INPP4B: variants seen among roughly 807,000 people sequenced by gnomAD.
INPP4B encodes inositol polyphosphate-4-phosphatase type II B, also known as inositol polyphosphate 4-phosphatase type II.
Under a neutral mutation model 122.5 loss-of-function variants are expected in INPP4B, and 55 were observed. That is an observed-to-expected ratio of 0.45 (90% CI 0.36 to 0.56). The LOEUF is 0.56. INPP4B is among the 20% of genes least tolerant of loss of function. INPP4B has a pLI of 0.00. For missense variants in INPP4B, 1,000 were observed against 1,097.7 expected (o/e 0.91, Z 1.26); for synonymous variants, 403 against 388.7 (o/e 1.04, Z -0.43).
chr4:142,821,593 T>C (rs1163836671), intron 1 of INPP4B, among the ~76,000 whole-genome samples: 2 of 152,194 alleles, frequency 1.3e-5, no homozygotes, highest in Admixed American at 1.3e-4. Context: ...TTTTATTTTG[T>C]TTATTTTGTG....
chr4:142,612,972 A>T (rs1240981199), intron 2 of INPP4B, among the ~76,000 whole-genome samples: 1 of 152,168 alleles, frequency 6.6e-6, no homozygotes, highest in South Asian at 2.1e-4. Flanking sequence ...TGCAATCAGA[A>T]ATAATGTAAG....
intron 2 of INPP4B, among the ~76,000 whole-genome samples, chr4:142,603,342 TGTAAGAAACCTGCACATCTGCA>T (rs1487937010): frequency 6.6e-6 from 1 of 151,768 alleles, no homozygotes; most frequent in Non-Finnish European, 1.5e-5. Context: ...CATTTACCTA[TGTAAGAAACCTGCACATCTGCA>T]CATATACCCC....
chr4:142,539,900 G>A (rs1828733710), intron 2 of INPP4B, among the ~76,000 whole-genome samples: 1 of 151,972 alleles, frequency 6.6e-6, no homozygotes, highest in Non-Finnish European at 1.5e-5. Context: ...TAAGTTTTTA[G>A]TGAAACGAAC....
chr4:142,339,217 C>T (rs1777860820), intron 7 of INPP4B, among the ~76,000 whole-genome samples: 1 of 152,160 alleles, frequency 6.6e-6, no homozygotes, highest in African/African-American at 2.4e-5. Flanking sequence ...CAAACAGTCC[C>T]TTTGTAAATA....
intron 1 of INPP4B, among the ~76,000 whole-genome samples, chr4:142,733,167 T>A (rs1424225362): frequency 1.3e-5 from 2 of 152,116 alleles, no homozygotes; most frequent in African/African-American, 2.4e-5. Flanking sequence ...AAAAATCATT[T>A]CCAGAGGTTG....
chr4:142,149,969 C>T (rs62328210), intron 17 of INPP4B, among the ~76,000 whole-genome samples: 7 of 152,164 alleles, frequency 4.6e-5, no homozygotes, highest in Non-Finnish European at 1.0e-4. Context: ...TTTGAAACTA[C>T]GATGCTAGAG....
intron 5 of INPP4B, among the ~76,000 whole-genome samples, chr4:142,416,776 A>G (rs570168717): frequency 1.2e-3 from 184 of 152,242 alleles, no homozygotes; most frequent in African/African-American, 4.3e-3. Context: ...GCAAAAGACA[A>G]TCTCAATATT....
intron 7 of INPP4B, among the ~76,000 whole-genome samples, chr4:142,378,717 G>A (rs1792924601): frequency 6.6e-6 from 1 of 152,126 alleles, no homozygotes; most frequent in Non-Finnish European, 1.5e-5. Context: ...AGGATTTAAA[G>A]TTTAAAGCCT....
chr4:142,140,482 G>A (rs1807207356), intron 18 of INPP4B, among the ~76,000 whole-genome samples: 1 of 152,128 alleles, frequency 6.6e-6, no homozygotes. Context: ...TTAGTGATGT[G>A]CCTTAAGAAT....
chr4:142,460,095 T>C (rs1356678367), intron 3 of INPP4B, among the ~76,000 whole-genome samples: 1 of 152,164 alleles, frequency 6.6e-6, no homozygotes. Context: ...TATATCCAGA[T>C]ATGCTACTAC....
intron 9 of INPP4B, among the ~76,000 whole-genome samples, chr4:142,298,447 G>GAGGC (rs943561261): frequency 2.7e-5 from 4 of 149,636 alleles, no homozygotes; most frequent in African/African-American, 1.0e-4. Flanking sequence ...AGCACTTTGG[G>GAGGC]AGGCCGAGTT....
intron 7 of INPP4B, among the ~76,000 whole-genome samples, chr4:142,381,309 C>T (rs1794002477): frequency 6.6e-6 from 1 of 151,998 alleles, no homozygotes; most frequent in Non-Finnish European, 1.5e-5. Flanking sequence ...AATCACATTG[C>T]TATTTTAATT....
chr4:142,704,687 C>T (rs745439902), intron 2 of INPP4B, among the ~76,000 whole-genome samples: 3 of 152,174 alleles, frequency 2.0e-5, no homozygotes, highest in Non-Finnish European at 4.4e-5. Flanking sequence ...GCATCTTTCA[C>T]GTTCTTTTCT....
intron 7 of INPP4B, among the ~76,000 whole-genome samples, chr4:142,322,365 G>T (rs1770411329): frequency 6.6e-6 from 1 of 152,064 alleles, no homozygotes; most frequent in Non-Finnish European, 1.5e-5. Context: ...TCAACATTTG[G>T]AATTTCTAGC....
chr4:142,461,370 G>A (rs887179367), intron 3 of INPP4B, among the ~76,000 whole-genome samples: 2 of 152,134 alleles, frequency 1.3e-5, no homozygotes, highest in Non-Finnish European at 2.9e-5. Flanking sequence ...GATGCAAACA[G>A]CAATTTGTGT....
intron 7 of INPP4B, among the ~76,000 whole-genome samples, chr4:142,358,924 T>C (rs1231834383): frequency 6.6e-6 from 1 of 151,956 alleles, no homozygotes; most frequent in Admixed American, 6.6e-5. Context: ...AAGTCCTTAT[T>C]TGTTGGAGCA....
intron 2 of INPP4B, among the ~76,000 whole-genome samples, chr4:142,517,909 A>T (rs1012778880): frequency 3.9e-5 from 6 of 152,126 alleles, no homozygotes; most frequent in Non-Finnish European, 8.8e-5. Flanking sequence ...ATTTCCTTTT[A>T]CCATATCTTG....
At chr4:142,080,053 C>T (rs1048574896) in intron 25 of INPP4B, among the ~76,000 whole-genome samples, 6 of 151,842 alleles carry the variant, frequency 4.0e-5, no homozygotes, top group Non-Finnish European at 7.4e-5. Flanking sequence ...ATTTAATCCC[C>T]GAGACACTCC....
In INPP4B at chr4:142,721,447, G is replaced by C. The variant is rs1452695418; in HGVS notation, c.-191+4392C>G. Among the ~76,000 whole-genome samples, 4 of 152,154 alleles carry C rather than the reference G, an allele frequency of 2.6e-5. No homozygotes were observed. In the East Asian group the frequency reaches 7.7e-4, roughly 29 times the overall value. ...AGCCAGTAAGTGATAAAATTAAGCT[G>C]TCTCCCTTTGGTGAAGAGAATGTGT... On this transcript the variant is annotated intron_variant, in intron 2 of 25. Transcript: ENST00000262992.
Sources: allele counts gnomAD v4.1 joint callset (sites outside exome capture counted in the v4.1 genomes callset), GRCh38; gene constraint gnomAD v4.1.1; transcripts MANE v1.5; gene names NCBI Gene and HGNC (gene_info 2026-07-23, HGNC 2026-07-21).